Variants in NKAIN2 observed in about 807,000 individuals in gnomAD.
NKAIN2 encodes sodium/potassium transporting ATPase interacting 2, also known as sodium/potassium-transporting ATPase subunit beta-1-interacting protein 2.
Under a neutral mutation model 32.6 loss-of-function variants are expected in NKAIN2, and 14 were observed. The ratio of observed to expected loss-of-function variants is 0.43; its 90% CI spans 0.28 to 0.67. The LOEUF (loss-of-function observed/expected upper bound fraction) is 0.67, where lower values mean the gene tolerates loss of function less well. NKAIN2 is among the 30% of genes least tolerant of loss of function. The pLI is 0.17. For missense variants in NKAIN2, 198 were observed against 258.3 expected (o/e 0.77, Z 1.60); for synonymous variants, 80 against 87.2 (o/e 0.92, Z 0.46).
rs186033636 is a variant in NKAIN2 at position 124,790,285 on chromosome 6, G to T, written c.475-1054G>T. Reference sequence around the variant, plus strand: ...AATGTTCCACTCACATCCTCCAGAAGATCACTATCTGTCATCTAATGAAAA... The same window carrying T: ...AATGTTCCACTCACATCCTCCAGAATATCACTATCTGTCATCTAATGAAAA... On this transcript the variant is annotated intron_variant, in intron 4 of 6. Coordinates refer to ENST00000368417, the MANE Select transcript of NKAIN2 (RefSeq NM_001040214.3). Among the ~76,000 whole-genome samples the T allele has an allele frequency of 4.6e-5, 7 of 152,136 alleles. No individual in the cohort carries two copies. The East Asian group carries it at 1.4e-3, about 29-fold the overall frequency.
At position 124,678,257 on chromosome 6, in the gene NKAIN2, A is replaced by C. The variant is rs1259349314; in HGVS notation, c.474+19871A>C. ...TCTGGGTGTCCATTTCCTTACCTAG[A>C]TTTAGGGAGTTTGGGGGCACTATTT... On this transcript the variant is annotated intron_variant, in intron 4 of 6. Transcript: ENST00000368417. 2.0e-5 allele frequency among the ~76,000 whole-genome samples: 3 copies of C among 152,080 alleles called. No individual in the cohort carries two copies. The East Asian group carries it at 5.8e-4, about 29-fold the overall frequency.
At chr6:124,430,174 A>G (rs374212743) in intron 3 of NKAIN2, among the ~76,000 whole-genome samples, 1 of 152,208 alleles carries the variant, frequency 6.6e-6, no homozygotes, top group African/African-American at 2.4e-5. Flanking sequence ...CAATATAGAG[A>G]ATTTTTCTGT....
At chr6:123,864,207 A>T (rs941653417) in intron 1 of NKAIN2, among the ~76,000 whole-genome samples, 1 of 152,176 alleles carries the variant, frequency 6.6e-6, no homozygotes, top group African/African-American at 2.4e-5. Context: ...AAACATTGTA[A>T]GAAGTAGTTA....
intron 4 of NKAIN2, among the ~76,000 whole-genome samples, chr6:124,785,915 T>C (rs1779479228): frequency 6.6e-6 from 1 of 152,174 alleles, no homozygotes. Context: ...TACTTACTCA[T>C]GAGGCAGTGG....
intron 1 of NKAIN2, among the ~76,000 whole-genome samples, chr6:123,976,466 A>G (rs1434371294): frequency 7.1e-6 from 1 of 140,674 alleles, no homozygotes; most frequent in African/African-American, 2.6e-5. Flanking sequence ...GATTGTGGGG[A>G]CTAAAAAATT....
At position 124,704,711 on chromosome 6, in the gene NKAIN2, C is replaced by A. The variant is rs6569391; in HGVS notation, c.474+46325C>A. The stretch of plus-strand genomic sequence containing the variant: ...GTTGGATGTTTGCATTATCCTAACA[C>A]CAATTAAAGGCAATATACCTTAATT... On this transcript the variant is annotated intron_variant, in intron 4 of 6. Transcript: ENST00000368417. Among the ~76,000 whole-genome samples, 738 of 151,882 alleles carry A rather than the reference C, an allele frequency of 4.9e-3. 8 individuals are homozygous for A. The highest frequency in any genetic ancestry group is 0.017 in the African/African-American group (712 of 41,466).
intron 2 of NKAIN2, among the ~76,000 whole-genome samples, chr6:124,291,793 GC>G (rs1383233984): frequency 6.6e-5 from 10 of 151,894 alleles, no homozygotes; most frequent in African/African-American, 2.2e-4. Flanking sequence ...AAGCCCTCAA[GC>G]CCCTATTCCT....
At chr6:124,606,936 T>C (rs1442072464) in intron 3 of NKAIN2, among the ~76,000 whole-genome samples, 1 of 152,132 alleles carries the variant, frequency 6.6e-6, no homozygotes, top group East Asian at 1.9e-4. Context: ...AAATAGGAGA[T>C]TAATAACTTT....
At chr6:124,777,068 C>T (rs1779011478) in intron 4 of NKAIN2, among the ~76,000 whole-genome samples, 1 of 152,116 alleles carries the variant, frequency 6.6e-6, no homozygotes, top group South Asian at 2.1e-4. Flanking sequence ...AATATATGCT[C>T]ATGTGATCAG....
intron 1 of NKAIN2, among the ~76,000 whole-genome samples, chr6:124,241,487 A>G (rs1793090881): frequency 6.6e-6 from 1 of 152,230 alleles, no homozygotes; most frequent in African/African-American, 2.4e-5. Flanking sequence ...ACCTGACTTC[A>G]AACTATAATA....
intron 5 of NKAIN2, among the ~76,000 whole-genome samples, chr6:124,805,891 G>C (rs967483809): frequency 6.6e-6 from 1 of 152,182 alleles, no homozygotes; most frequent in Non-Finnish European, 1.5e-5. Context: ...GGGTATCAGC[G>C]ATGGAAGATG....
chr6:123,897,874 G>C (rs746944769), intron 1 of NKAIN2, among the ~76,000 whole-genome samples: 1 of 152,074 alleles, frequency 6.6e-6, no homozygotes, highest in African/African-American at 2.4e-5. Flanking sequence ...TACCTGGGCT[G>C]GTTCTGTACT....
intron 3 of NKAIN2, among the ~76,000 whole-genome samples, chr6:124,359,038 C>A (rs1437973065): frequency 6.6e-6 from 1 of 151,894 alleles, no homozygotes; most frequent in Non-Finnish European, 1.5e-5. Context: ...GAATCCTTTC[C>A]CCATTTCTTG....
intron 1 of NKAIN2, among the ~76,000 whole-genome samples, chr6:124,281,420 T>C (rs1399031005): frequency 1.3e-5 from 2 of 152,138 alleles, no homozygotes; most frequent in African/African-American, 4.8e-5. Flanking sequence ...TATGAGAAAG[T>C]TGAAGGAATG....
intron 3 of NKAIN2, among the ~76,000 whole-genome samples, chr6:124,496,300 C>T (rs1778061223): frequency 6.6e-6 from 1 of 152,122 alleles, no homozygotes; most frequent in Admixed American, 6.6e-5. Flanking sequence ...TTTCATCTTG[C>T]CTTCCGACTG....
chr6:124,458,435 T>C (rs1205908076), intron 3 of NKAIN2, among the ~76,000 whole-genome samples: 1 of 151,744 alleles, frequency 6.6e-6, no homozygotes, highest in Non-Finnish European at 1.5e-5. Context: ...ATGGAAGTAG[T>C]AGCTGTAGGC....
At position 124,732,360 on chromosome 6, in the gene NKAIN2, A is replaced by G. The variant is rs113027842; in HGVS notation, c.475-58979A>G. ...TGAGGAATAGGACAGGGTTTGGTGA[A>G]ATCCCAGGGAAGTTAGCAAAGGCTA... On this transcript the variant is annotated intron_variant, in intron 4 of 6. Coordinates refer to ENST00000368417, the MANE Select transcript of NKAIN2 (RefSeq NM_001040214.3). 2.4e-3 allele frequency among the ~76,000 whole-genome samples: 366 copies of G among 152,188 alleles called. 4 individuals are homozygous for G. Among genetic ancestry groups the G allele is most frequent in the African/African-American group, 8.3e-3 (344 of 41,546 alleles).
intron 4 of NKAIN2, among the ~76,000 whole-genome samples, chr6:124,675,845 C>T (rs1773333334): frequency 6.7e-6 from 1 of 149,762 alleles, no homozygotes; most frequent in Non-Finnish European, 1.5e-5. Flanking sequence ...TTAATGTTTA[C>T]TACTTCCTTC....
chr6:124,563,767 A>G (rs1007133113), intron 3 of NKAIN2, among the ~76,000 whole-genome samples: 1 of 152,064 alleles, frequency 6.6e-6, no homozygotes, highest in Non-Finnish European at 1.5e-5. Context: ...AGGTTCAAGC[A>G]ATTCTGGATT....
Sources: gnomAD v4.1 joint callset for allele counts (sites outside exome capture counted in the v4.1 genomes callset) on GRCh38, gnomAD v4.1.1 for gene constraint, MANE v1.5 for transcripts, NCBI Gene and HGNC (gene_info 2026-07-23, HGNC 2026-07-21) for gene names.